The following KLRG1 variants were observed in gnomAD, a reference collection of about 807,000 sequenced individuals.
The protein encoded by KLRG1 is killer cell lectin-like receptor subfamily G member 1.
Under a neutral mutation model 21.8 loss-of-function variants are expected in KLRG1, and 16 were observed. The observed-to-expected ratio is 0.73, with a 90% CI of 0.50 to 1.11. The LOEUF (loss-of-function observed/expected upper bound fraction) is 1.11. Ranked by LOEUF, KLRG1 falls within the 50% of genes most tolerant of loss-of-function variation. KLRG1 has a pLI of 0.00. For synonymous variants in KLRG1, 69 were observed against 75.9 expected (o/e 0.91, Z 0.47); for missense variants, 173 against 218.3 (o/e 0.79, Z 1.31).
At chr12:9,166,237 ACATT>A in the KLRG1 span, 1 of 1,601,230 alleles carries the variant, frequency 6.2e-7, no homozygotes, top group East Asian at 2.2e-5. Context: ...TTAGGGAAAA[ACATT>A]CATTAATTTC....
the KLRG1 span, among the ~76,000 whole-genome samples, chr12:9,096,254 T>C: frequency 6.6e-6 from 1 of 152,222 alleles, no homozygotes; most frequent in Non-Finnish European, 1.5e-5. Context: ...AAGTACTAAG[T>C]ACTACTTCGT....
chr12:9,101,340 A>C, the KLRG1 span: 1 of 1,343,646 alleles, frequency 7.4e-7, no homozygotes, highest in Non-Finnish European at 1.0e-6. Context: ...TTCAAAAGGA[A>C]CATGGATAAG....
At chr12:9,144,497 G>A in the KLRG1 span, among the ~76,000 whole-genome samples, 4 of 152,288 alleles carry the variant, frequency 2.6e-5, no homozygotes, top group East Asian at 1.9e-4. Flanking sequence ...CACAACACCC[G>A]TCCTGGGTTT....
intron 3 of KLRG1, among the ~76,000 whole-genome samples, chr12:9,001,602 T>C (rs894395156): frequency 1.3e-5 from 2 of 152,218 alleles, no homozygotes; most frequent in East Asian, 3.8e-4. Context: ...TGGACATATG[T>C]AGGTCAAATG....
At chr12:9,179,310 A>G in the KLRG1 span, among the ~76,000 whole-genome samples, 4 of 152,172 alleles carry the variant, frequency 2.6e-5, no homozygotes, top group Non-Finnish European at 5.9e-5. Context: ...ATCCTTTTTT[A>G]TTGCCTCTCT....
At chr12:9,136,077 C>G in the KLRG1 span, among the ~76,000 whole-genome samples, 4 of 152,164 alleles carry the variant, frequency 2.6e-5, no homozygotes, top group Non-Finnish European at 4.4e-5. Context: ...TACATAAAGA[C>G]AAGCTAGCAA....
chr12:9,099,231 T>A, the KLRG1 span: 5 of 333,486 alleles, frequency 1.5e-5, 1 homozygote, highest in Admixed American at 6.7e-5. Flanking sequence ...TGATTCTGCT[T>A]CTTAGTGTGA....
chr12:9,123,792 T>C, the KLRG1 span, among the ~76,000 whole-genome samples: 2 of 152,178 alleles, frequency 1.3e-5, no homozygotes, highest in East Asian at 3.8e-4. Context: ...CCTAGATCCT[T>C]TACATTATCC....
chr12:9,158,509 T>A, the KLRG1 span: 4 of 1,614,152 alleles, frequency 2.5e-6, no homozygotes, highest in Non-Finnish European at 2.5e-6. Context: ...GATTGGGTAA[T>A]GTGTGCTTCA....
the KLRG1 span, chr12:9,158,632 C>T: frequency 6.4e-7 from 1 of 1,554,068 alleles, no homozygotes; most frequent in Non-Finnish European, 8.8e-7. Flanking sequence ...CTTTACTGCT[C>T]TGTTTTGTAC....
the KLRG1 span, among the ~76,000 whole-genome samples, chr12:9,209,163 T>G: frequency 4.6e-5 from 7 of 152,170 alleles, no homozygotes; most frequent in Non-Finnish European, 8.8e-5. Flanking sequence ...AGTACAATGA[T>G]GATCACATAT....
the KLRG1 span, among the ~76,000 whole-genome samples, chr12:9,182,841 T>A: frequency 6.6e-6 from 1 of 152,234 alleles, no homozygotes; most frequent in Non-Finnish European, 1.5e-5. Flanking sequence ...AGAGACTTAA[T>A]GACTGAAAAG....
chr12:9,149,700 C>A, the KLRG1 span: 1 of 1,143,616 alleles, frequency 8.7e-7, no homozygotes, highest in Non-Finnish European at 1.2e-6. Flanking sequence ...GAAAAGCACG[C>A]CCTATCAGAA....
the KLRG1 span, among the ~76,000 whole-genome samples, chr12:9,165,793 T>C: frequency 6.6e-6 from 1 of 152,214 alleles, no homozygotes; most frequent in African/African-American, 2.4e-5. Context: ...CATTAAGCAG[T>C]ATATATAGAA....
At chr12:9,028,548 A>G in the KLRG1 span, among the ~76,000 whole-genome samples, 1 of 151,494 alleles carries the variant, frequency 6.6e-6, no homozygotes, top group East Asian at 1.9e-4. Context: ...GGTTCAAGTG[A>G]TTCTGCTGCC....
chr12:9,092,194 C>G, the KLRG1 span, among the ~76,000 whole-genome samples: 8 of 152,106 alleles, frequency 5.3e-5, no homozygotes, highest in African/African-American at 1.9e-4. Context: ...CTTCCCCTGG[C>G]TCGCCCCACG....
At chr12:9,008,907 A>T in intron 3 of KLRG1, 68 bp from the exon 4 acceptor site, 1 of 1,005,428 alleles carries the variant, frequency 9.9e-7, no homozygotes, top group Non-Finnish European at 1.5e-6. Context: ...TAGGAATCCA[A>T]TGTGGAAAGG....
chr12:9,046,398 G>A, the KLRG1 span, among the ~76,000 whole-genome samples: 2 of 152,164 alleles, frequency 1.3e-5, no homozygotes, highest in Non-Finnish European at 2.9e-5. Context: ...TACAGATCCA[G>A]GAAGTTCAGA....
chr12:9,062,160 C>A, the KLRG1 span, among the ~76,000 whole-genome samples: 1 of 143,300 alleles, frequency 7.0e-6, no homozygotes, highest in South Asian at 2.2e-4. Context: ...TATAAAAAAT[C>A]ACCTGACACA....
Sources: gnomAD v4.1 joint callset for allele counts (sites outside exome capture counted in the v4.1 genomes callset) on GRCh38, gnomAD v4.1.1 for gene constraint, MANE v1.5 for transcripts, NCBI Gene and HGNC (gene_info 2026-07-23, HGNC 2026-07-21) for gene names.